The following PPARGC1A variants were observed in gnomAD, a reference collection of about 807,000 sequenced individuals.
PPARGC1A encodes the protein peroxisome proliferator-activated receptor gamma coactivator 1-alpha.
Under a neutral mutation model 88.7 loss-of-function variants are expected in PPARGC1A, and 25 were observed. That is an observed-to-expected ratio of 0.28 (90% CI 0.21 to 0.39). The LOEUF (loss-of-function observed/expected upper bound fraction) is 0.39, where lower values mean the gene tolerates loss of function less well. Among genes scored for constraint, PPARGC1A ranks in the 10% least tolerant of loss-of-function variants. The pLI, the probability that PPARGC1A is intolerant of heterozygous loss-of-function variation, is 1.00. For missense variants in PPARGC1A, 880 were observed against 968.7 expected (o/e 0.91, Z 1.22); for synonymous variants, 363 against 355.6 (o/e 1.02, Z -0.24).
the PPARGC1A span, among the ~76,000 whole-genome samples, chr4:23,985,461 C>G: frequency 8.3e-6 from 1 of 121,016 alleles, no homozygotes; most frequent in Non-Finnish European, 1.7e-5. Flanking sequence ...TTAGATATAT[C>G]TCTGCAATTT....
At chr4:23,811,614 AGTCTAG>A (rs1289990629) in intron 10 of PPARGC1A, among the ~76,000 whole-genome samples, 2 of 152,166 alleles carry the variant, frequency 1.3e-5, no homozygotes, top group African/African-American at 4.8e-5. Context: ...TGCCATCCAA[AGTCTAG>A]GTTGATAAAC....
At chr4:24,365,146 T>C in the PPARGC1A span, among the ~76,000 whole-genome samples, 1 of 138,968 alleles carries the variant, frequency 7.2e-6, no homozygotes, top group African/African-American at 2.7e-5. Context: ...AATGCAGAGA[T>C]GGCATTGAAA....
At chr4:23,850,431 T>A (rs1729083215) in intron 2 of PPARGC1A, among the ~76,000 whole-genome samples, 1 of 152,188 alleles carries the variant, frequency 6.6e-6, no homozygotes, top group Admixed American at 6.5e-5. Context: ...GAACTAAAAG[T>A]AAACTCCTGC....
the PPARGC1A span, among the ~76,000 whole-genome samples, chr4:24,003,061 T>C: frequency 6.6e-6 from 1 of 152,180 alleles, no homozygotes; most frequent in Non-Finnish European, 1.5e-5. Context: ...AAAGGAATCA[T>C]AGTCTTGTTT....
At chr4:23,854,083 T>C (rs565027393) in intron 2 of PPARGC1A, among the ~76,000 whole-genome samples, 1 of 152,340 alleles carries the variant, frequency 6.6e-6, no homozygotes, top group African/African-American at 2.4e-5. Context: ...TCTGTATTAT[T>C]TTTATTAGCC....
chr4:24,378,246 A>G, the PPARGC1A span, among the ~76,000 whole-genome samples: 27 of 152,292 alleles, frequency 1.8e-4, no homozygotes, highest in African/African-American at 6.3e-4. Flanking sequence ...CTGAGGCAGG[A>G]GAATCACTTG....
chr4:24,220,472 C>G, the PPARGC1A span, among the ~76,000 whole-genome samples: 1 of 152,158 alleles, frequency 6.6e-6, no homozygotes, highest in Non-Finnish European at 1.5e-5. Flanking sequence ...GAAATCAACC[C>G]AGGTACCCAT....
chr4:23,929,709 T>C, the PPARGC1A span, among the ~76,000 whole-genome samples: 13 of 152,210 alleles, frequency 8.5e-5, no homozygotes, highest in African/African-American at 2.9e-4. Flanking sequence ...GGCCCCAAGA[T>C]TGAAATCATC....
the PPARGC1A span, among the ~76,000 whole-genome samples, chr4:24,259,167 G>C: frequency 6.6e-6 from 1 of 152,114 alleles, no homozygotes; most frequent in African/African-American, 2.4e-5. Context: ...TACTATTTGG[G>C]ATTACAGAAA....
the PPARGC1A span, among the ~76,000 whole-genome samples, chr4:24,213,238 C>G: frequency 3.1e-3 from 463 of 150,252 alleles, 8 homozygotes; most frequent in East Asian, 0.029. Context: ...GCGATCTCGG[C>G]TCACTGCAAG....
chr4:24,269,366 G>T, the PPARGC1A span, among the ~76,000 whole-genome samples: 1 of 90,538 alleles, frequency 1.1e-5, no homozygotes, highest in African/African-American at 4.3e-5. Flanking sequence ...TTTATCTCAA[G>T]AAGTGACTTA....
chr4:23,798,455 T>C (rs1031662085), intron 12 of PPARGC1A, among the ~76,000 whole-genome samples: 2 of 152,128 alleles, frequency 1.3e-5, no homozygotes, highest in African/African-American at 4.8e-5. Flanking sequence ...GTTGAAAATA[T>C]TTATATTGGG....
chr4:24,372,993 TTAGA>T, the PPARGC1A span, among the ~76,000 whole-genome samples: 30 of 152,310 alleles, frequency 2.0e-4, no homozygotes, highest in South Asian at 6.2e-3. Flanking sequence ...CGGGGGACAC[TTAGA>T]GCTTCAGAGC....
the PPARGC1A span, among the ~76,000 whole-genome samples, chr4:23,971,954 C>G: frequency 8.1e-4 from 123 of 151,884 alleles, no homozygotes; most frequent in African/African-American, 2.8e-3. Context: ...TTTTTTCCAG[C>G]AAACAGCCAT....
the PPARGC1A span, among the ~76,000 whole-genome samples, chr4:23,992,459 G>A: frequency 6.6e-6 from 1 of 151,904 alleles, no homozygotes; most frequent in Admixed American, 6.6e-5. Context: ...TGGGTATTAT[G>A]TTTCTCAGGT....
the PPARGC1A span, among the ~76,000 whole-genome samples, chr4:24,146,855 T>C: frequency 6.6e-6 from 1 of 152,212 alleles, no homozygotes; most frequent in Non-Finnish European, 1.5e-5. Flanking sequence ...GCCCACTTCC[T>C]TGTTATTCTT....
At chr4:24,468,108 T>G in the PPARGC1A span, among the ~76,000 whole-genome samples, 1 of 152,168 alleles carries the variant, frequency 6.6e-6, no homozygotes, top group Non-Finnish European at 1.5e-5. Context: ...CCTGCTTCGA[T>G]TTGGGCTTAC....
At chr4:24,274,616 C>T in the PPARGC1A span, among the ~76,000 whole-genome samples, 1 of 152,054 alleles carries the variant, frequency 6.6e-6, no homozygotes, top group Non-Finnish European at 1.5e-5. Flanking sequence ...TTTATTCAAC[C>T]ATTTAAACAT....
At chr4:24,122,434 T>TAGAG in the PPARGC1A span, among the ~76,000 whole-genome samples, 591 of 130,164 alleles carry the variant, frequency 4.5e-3, 3 homozygotes, top group Admixed American at 6.9e-3. Context: ...TATATATATA[T>TAGAG]ATAGAGAGAG....
Sources: gnomAD v4.1 joint callset for allele counts (sites outside exome capture counted in the v4.1 genomes callset) on GRCh38, gnomAD v4.1.1 for gene constraint, MANE v1.5 for transcripts, NCBI Gene and HGNC (gene_info 2026-07-23, HGNC 2026-07-21) for gene names.